EFCAB11: variants seen among roughly 807,000 people sequenced by gnomAD.
The protein encoded by EFCAB11 is EF-hand calcium-binding domain-containing protein 11.
A neutral mutation model predicts 23.0 loss-of-function variants in EFCAB11; 14 were observed. That is an observed-to-expected ratio of 0.61 (90% CI 0.40 to 0.95). The LOEUF (loss-of-function observed/expected upper bound fraction) is 0.95. EFCAB11 is among the 40% of genes least tolerant of loss of function. The probability of loss-of-function intolerance (pLI) is 0.00; values close to 1 mark genes in which losing one functional copy is unlikely to be tolerated. For synonymous variants in EFCAB11, 65 were observed against 66.6 expected, an observed-to-expected ratio of 0.98 and a Z score of 0.11; for missense variants, 198 against 195.8, an observed-to-expected ratio of 1.01 and a Z score of -0.07.
At chr14:89,904,314 T>C (rs961885265) in intron 5 of EFCAB11, among the ~76,000 whole-genome samples, 8 of 152,200 alleles carry the variant, frequency 5.3e-5, no homozygotes, top group African/African-American at 1.9e-4. Context: ...CTCATCCTTT[T>C]TTATGGCTGC....
intron 5 of EFCAB11, among the ~76,000 whole-genome samples, chr14:89,882,261 C>T (rs1168771335): frequency 6.6e-6 from 1 of 152,088 alleles, no homozygotes; most frequent in Non-Finnish European, 1.5e-5. Context: ...CAAATACTAC[C>T]TTGTCTTATT....
chr14:89,923,624 T>C, intron 5 of EFCAB11: 2 of 913,468 alleles, frequency 2.2e-6, no homozygotes, highest in Non-Finnish European at 2.6e-6. Flanking sequence ...AAATATGATT[T>C]GTAGGTGTTT....
intron 5 of EFCAB11, chr14:89,831,249 A>G (rs1886873758): frequency 6.6e-6 from 1 of 152,252 alleles, no homozygotes; most frequent in South Asian, 2.1e-4. Context: ...TGGAGTTACC[A>G]TTAATTAAGA....
intron 4 of EFCAB11, 54 bp from the exon 5 acceptor site, chr14:89,931,685 T>C (rs191512773): frequency 1.3e-5 from 19 of 1,464,888 alleles, no homozygotes; most frequent in South Asian, 1.2e-5. Context: ...CTATCAACTG[T>C]TACTTCAGCC....
intron 5 of EFCAB11, among the ~76,000 whole-genome samples, chr14:89,854,388 G>A (rs1484969572): frequency 6.6e-6 from 1 of 152,064 alleles, no homozygotes; most frequent in South Asian, 2.1e-4. Context: ...ACTAGCAAGA[G>A]GCTGCCCATT....
At chr14:89,834,084 G>A (rs1455443985) in intron 5 of EFCAB11, among the ~76,000 whole-genome samples, 5 of 152,088 alleles carry the variant, frequency 3.3e-5, no homozygotes, top group Admixed American at 3.3e-4. Context: ...GCCGTGTGTG[G>A]TGGCTCACAC....
chr14:89,834,159 A>G (rs2010250), intron 5 of EFCAB11, among the ~76,000 whole-genome samples: 132,144 of 151,634 alleles, frequency 0.87, 57,899 homozygotes, highest in African/African-American at 0.95. Flanking sequence ...TAGAGACCAC[A>G]AGGTCAGGAG....
intron 1 of EFCAB11, chr14:89,954,384 A>C: frequency 6.5e-7 from 1 of 1,535,996 alleles, no homozygotes; most frequent in Non-Finnish European, 8.7e-7. Flanking sequence ...GAGAAAGGAG[A>C]TGGAACTTGG....
chr14:89,818,620 A>C (rs1886408850), intron 5 of EFCAB11, among the ~76,000 whole-genome samples: 1 of 152,230 alleles, frequency 6.6e-6, no homozygotes, highest in Non-Finnish European at 1.5e-5. Flanking sequence ...TACAGCCTAG[A>C]AGAAAAATCT....
chr14:89,855,287 G>C (rs1887718587), intron 5 of EFCAB11, among the ~76,000 whole-genome samples: 1 of 151,964 alleles, frequency 6.6e-6, no homozygotes, highest in Admixed American at 6.6e-5. Flanking sequence ...ACCAGCCTGG[G>C]CAACGTGGCG....
intron 2 of EFCAB11, among the ~76,000 whole-genome samples, chr14:89,950,928 T>C (rs1376781789): frequency 6.6e-6 from 1 of 152,102 alleles, no homozygotes; most frequent in African/African-American, 2.4e-5. Context: ...TTCCCTAACG[T>C]TCTATCCTCA....
At chr14:89,828,787 C>T (rs1321659422) in intron 5 of EFCAB11, among the ~76,000 whole-genome samples, 1 of 152,014 alleles carries the variant, frequency 6.6e-6, no homozygotes, top group Non-Finnish European at 1.5e-5. Flanking sequence ...GTTCAGCTTG[C>T]CAAAATTAAG....
chr14:89,936,468 C>A (rs529711366), intron 3 of EFCAB11, among the ~76,000 whole-genome samples: 11 of 152,230 alleles, frequency 7.2e-5, no homozygotes, highest in African/African-American at 2.6e-4. Context: ...AAAGGAAAAC[C>A]CATCCAATAA....
chr14:89,954,574 C>T lies in EFCAB11; in HGVS notation c.75+12G>A. On this transcript the variant is annotated intron_variant, in intron 1 of 5. Transcript: ENST00000316738. The stretch of plus-strand genomic sequence containing the variant: ...CTGAAGTCCGAGGCTCAGTCGCCCT[C>T]CGGAAACCTACTTCCACCCACTTCC... 1 of 1,613,422 alleles carries T rather than the reference C, an allele frequency of 6.2e-7. No homozygotes were observed. The highest frequency in any genetic ancestry group is 8.5e-7 in the Non-Finnish European group (1 of 1,179,806).
At chr14:89,808,152 A>G (rs1454591665) in intron 5 of EFCAB11, among the ~76,000 whole-genome samples, 2 of 152,184 alleles carry the variant, frequency 1.3e-5, no homozygotes, top group Non-Finnish European at 1.5e-5. Flanking sequence ...CCTCCCTTGC[A>G]ATGAGATGCA....
rs560134164 is a variant in EFCAB11 at position 89,797,050 on chromosome 14, T to C, written c.*193A>G. 1 of 346,908 alleles carries C rather than the reference T, an allele frequency of 2.9e-6. No individual in the cohort carries two copies. Among genetic ancestry groups the C allele is most frequent in the Admixed American group, 4.4e-5 (1 of 22,540 alleles). 21.5% of individuals were successfully genotyped at this position (346,908 alleles called of 1,614,324 possible). A position where few individuals can be genotyped will look rare whatever the true frequency, so the allele number is the denominator to read the frequency against. ...TTTAGTCAATTACTTATTGCATGCC[T>C]GTGCCAAAATATCTCCCGTAACCCA... On this transcript the variant is annotated 3_prime_UTR_variant, in exon 6 of 6. Coordinates refer to ENST00000316738, the MANE Select transcript of EFCAB11 (RefSeq NM_145231.4).
At chr14:89,875,473 T>C (rs533660397) in intron 5 of EFCAB11, among the ~76,000 whole-genome samples, 52 of 152,072 alleles carry the variant, frequency 3.4e-4, no homozygotes, top group Admixed American at 3.2e-3. Context: ...GTCAAGAATG[T>C]TGAGGTGGAA....
chr14:89,871,596 A>C (rs930203620), intron 5 of EFCAB11, among the ~76,000 whole-genome samples: 8 of 152,184 alleles, frequency 5.3e-5, no homozygotes, highest in Non-Finnish European at 1.2e-4. Context: ...CCTACTTTGC[A>C]TTATCCTATA....
chr14:89,949,647 T>G (rs1891097688), intron 3 of EFCAB11, among the ~76,000 whole-genome samples: 1 of 152,208 alleles, frequency 6.6e-6, no homozygotes, highest in African/African-American at 2.4e-5. Flanking sequence ...ACTACAGGCA[T>G]GAGCCACTGC....
Sources: allele counts gnomAD v4.1 joint callset (sites outside exome capture counted in the v4.1 genomes callset), GRCh38; gene constraint gnomAD v4.1.1; transcripts MANE v1.5; gene names NCBI Gene and HGNC (gene_info 2026-07-23, HGNC 2026-07-21).